The following DIP2A variants were observed in gnomAD, a reference collection of about 807,000 sequenced individuals.
DIP2A encodes disco-interacting protein 2 homolog A.
A neutral mutation model predicts 177.4 loss-of-function variants in DIP2A; 85 were observed. That is an observed-to-expected ratio of 0.48 (90% CI 0.40 to 0.57). DIP2A has a LOEUF of 0.57. Ranked by LOEUF, DIP2A falls within the 20% of genes least tolerant of loss-of-function variation. DIP2A has a pLI of 0.00. For missense variants in DIP2A, 1,791 were observed against 2,100.2 expected, an observed-to-expected ratio of 0.85 and a Z score of 2.88; for synonymous variants, 886 against 881.8, an observed-to-expected ratio of 1.00 and a Z score of -0.08.
At chr21:46,522,610 G>A (rs934477662) in intron 8 of DIP2A, among the ~76,000 whole-genome samples, 9 of 152,194 alleles carry the variant, frequency 5.9e-5, no homozygotes, top group Non-Finnish European at 1.3e-4. Context: ...ATGCAGAGAG[G>A]TGTGTATTCC....
In DIP2A at chr21:46,557,902, A is replaced by G; in HGVS notation, c.3798+149A>G. On this transcript the variant is annotated intron_variant, in intron 31 of 37. Transcript: ENST00000417564. This position sits in a 1 kb window ranked among gnomAD's most constrained non-coding sequence, Gnocchi z 6.0. ...CTTTCCCACTAGGGGCCCTATGTAC[A>G]CATCTGTCCTCCCACGGCCCACCTG... 9.8e-7 allele frequency: 1 copy of G among 1,025,388 alleles called. No homozygotes were observed. Among genetic ancestry groups the G allele is most frequent in the Non-Finnish European group, 1.4e-6 (1 of 722,260 alleles). 63.5% of individuals were successfully genotyped at this position (1,025,388 alleles called of 1,614,324 possible). A position where few individuals can be genotyped will look rare whatever the true frequency, so the allele number is the denominator to read the frequency against.
Position 46,539,796 on chromosome 21 carries a change from C to G in DIP2A, c.1922-81C>G, listed in dbSNP as rs750901519. On this transcript the variant is annotated intron_variant, in intron 16 of 37. Coordinates refer to ENST00000417564, the MANE Select transcript of DIP2A (RefSeq NM_015151.4). Reference sequence around the variant, plus strand: ...GTGGTTCCGATGGCCGCAGGCTGCGCTAACTTGAGCATGTCCAGCCACCCC... The same window carrying G: ...GTGGTTCCGATGGCCGCAGGCTGCGGTAACTTGAGCATGTCCAGCCACCCC... The G allele has an allele frequency of 3.3e-6, 4 of 1,208,728 alleles. No individual in the cohort carries two copies. In the East Asian group the frequency reaches 7.0e-5, roughly 21 times the overall value. The allele number at this position is 1,208,728 out of a possible 1,614,324, so 74.9% of individuals were successfully genotyped here. A position where few individuals can be genotyped will look rare whatever the true frequency, so the allele number is the denominator to read the frequency against.
chr21:46,578,457 C>T, the DIP2A span, among the ~76,000 whole-genome samples: 1 of 152,224 alleles, frequency 6.6e-6, no homozygotes, highest in Non-Finnish European at 1.5e-5. Context: ...ATTTCTTTCT[C>T]TTGCCTGATT....
Position 46,509,389 on chromosome 21 carries a change from C to A in DIP2A, c.904+13C>A. ...GAATTGTTGGAAGGTAAGAGTTGTC[C>A]AACTTTGAGCTTTTCTGTTTGTATG... On this transcript the variant is annotated intron_variant, in intron 7 of 37. Coordinates refer to ENST00000417564, the MANE Select transcript of DIP2A (RefSeq NM_015151.4). The A allele has an allele frequency of 6.3e-7, 1 of 1,595,660 alleles. No homozygotes were observed. The highest frequency in any genetic ancestry group is 1.1e-5 in the South Asian group (1 of 88,122).
intron 3 of DIP2A, among the ~76,000 whole-genome samples, chr21:46,495,281 T>TCTCTCTCTCTCTCTC (rs1555883154): frequency 4.7e-5 from 7 of 147,498 alleles, no homozygotes; most frequent in Admixed American, 2.0e-4. Context: ...TCTCTCTCTG[T>TCTCTCTCTCTCTCTC]TTTTGAGATG....
In DIP2A at chr21:46,545,740, G is replaced by A. The variant is rs2060004161; in HGVS notation, c.2314-141G>A. ...TTGAGCAGCCAGGCCACAGAAACTG[G>A]GCCTATGCAGGGCCAGCCTCCTTTT... On this transcript the variant is annotated intron_variant, in intron 19 of 37. Transcript: ENST00000417564. 4 of 936,580 alleles carry A rather than the reference G, an allele frequency of 4.3e-6. No homozygotes were observed. In the Admixed American group the frequency reaches 8.3e-5, roughly 19 times the overall value. The allele number at this position is 936,580 out of a possible 1,614,324, so 58.0% of individuals were successfully genotyped here.
chr21:46,466,609 G>A (rs1420623804), intron 1 of DIP2A, among the ~76,000 whole-genome samples: 1 of 151,664 alleles, frequency 6.6e-6, no homozygotes, highest in Admixed American at 6.6e-5. Flanking sequence ...ATCTCCTAAA[G>A]TGCTGGGATT....
chr21:46,551,774 G>A (rs201834588), intron 24 of DIP2A, 31 bp downstream of exon 24: 173 of 1,613,212 alleles, frequency 1.1e-4, no homozygotes, highest in Non-Finnish European at 1.3e-4. Flanking sequence ...ACGGGTGGAC[G>A]GGTGTCTGTG....
At chr21:46,514,213 T>C (rs1283383453) in intron 8 of DIP2A, among the ~76,000 whole-genome samples, 2 of 152,080 alleles carry the variant, frequency 1.3e-5, no homozygotes, top group Admixed American at 6.5e-5. Context: ...GGCAGGCGGA[T>C]CATGAGGTCA....
chr21:46,523,293 G>T lies in DIP2A; in HGVS notation c.1103-5799G>T, dbSNP rs542285814. Among the ~76,000 whole-genome samples the T allele has an allele frequency of 5.9e-5, 9 of 151,822 alleles. No individual in the cohort carries two copies. In the South Asian group the frequency reaches 1.9e-3, roughly 32 times the overall value. On this transcript the variant is annotated intron_variant, in intron 8 of 37. Coordinates refer to ENST00000417564, the MANE Select transcript of DIP2A (RefSeq NM_015151.4). The stretch of plus-strand genomic sequence containing the variant: ...TCTGTCGCCCAGGCTGGAGTGCAGT[G>T]GCGTGATCTTGGCTCACTGCAACCT...
chr21:46,543,434 T>TC, intron 18 of DIP2A, among the ~76,000 whole-genome samples: 1 of 151,460 alleles, frequency 6.6e-6, no homozygotes, highest in South Asian at 2.1e-4. Flanking sequence ...GCACACCTCC[T>TC]CCCCCGGGCG....
intron 8 of DIP2A, among the ~76,000 whole-genome samples, chr21:46,524,481 C>T (rs1049570876): frequency 4.6e-5 from 7 of 152,152 alleles, no homozygotes; most frequent in African/African-American, 1.4e-4. Flanking sequence ...GTCTTATCTC[C>T]TTTGGGTCGG....
At chr21:46,579,518 T>C in the DIP2A span, among the ~76,000 whole-genome samples, 1 of 152,174 alleles carries the variant, frequency 6.6e-6, no homozygotes, top group Non-Finnish European at 1.5e-5. Flanking sequence ...TTGCTCTTGG[T>C]TCTCTAGTTC....
At chr21:46,507,427 G>GTAGAGA (rs2058068100) in intron 6 of DIP2A, among the ~76,000 whole-genome samples, 1 of 152,122 alleles carries the variant, frequency 6.6e-6, no homozygotes, top group Non-Finnish European at 1.5e-5. Flanking sequence ...ATTTTTGTAT[G>GTAGAGA]TGGGTATTCA....
At chr21:46,464,196 C>G (rs989721248) in intron 1 of DIP2A, among the ~76,000 whole-genome samples, 21 of 151,518 alleles carry the variant, frequency 1.4e-4, no homozygotes, top group African/African-American at 5.1e-4. Flanking sequence ...GAGTTCCAGA[C>G]CAGCCTGACC....
chr21:46,580,733 G>T, the DIP2A span, among the ~76,000 whole-genome samples: 10 of 152,146 alleles, frequency 6.6e-5, no homozygotes. Context: ...AAAATTCTGG[G>T]TTGGAAATTC....
At chr21:46,576,885 T>C in the DIP2A span, among the ~76,000 whole-genome samples, 1 of 152,188 alleles carries the variant, frequency 6.6e-6, no homozygotes, top group African/African-American at 2.4e-5. Context: ...ATCAGCGATA[T>C]TGAGCTTTTT....
At chr21:46,493,525 G>C (rs1350391247) in intron 3 of DIP2A, among the ~76,000 whole-genome samples, 1 of 151,454 alleles carries the variant, frequency 6.6e-6, no homozygotes. Flanking sequence ...ATATTTAAAT[G>C]ATAATTTGGC....
intron 1 of DIP2A, among the ~76,000 whole-genome samples, chr21:46,479,141 C>G (rs1024023863): frequency 6.6e-6 from 1 of 152,190 alleles, no homozygotes; most frequent in Non-Finnish European, 1.5e-5. Flanking sequence ...CAGGGCACCT[C>G]GTCCGTGATG....
Sources: gnomAD v4.1 joint callset for allele counts (sites outside exome capture counted in the v4.1 genomes callset) on GRCh38, gnomAD v4.1.1 for gene constraint, Gnocchi (gnomAD v3.1) non-coding constraint, MANE v1.5 for transcripts, NCBI Gene and HGNC (gene_info 2026-07-23, HGNC 2026-07-21) for gene names.